Variants in TDRD7 observed in about 807,000 individuals in gnomAD.
TDRD7 encodes tudor domain-containing protein 7.
TDRD7 carries 47 observed loss-of-function variants against 109.8 expected under a neutral mutation model. The ratio of observed to expected loss-of-function variants is 0.43; its 90% confidence interval spans 0.34 to 0.55. The LOEUF is 0.55. Ranked by LOEUF, TDRD7 falls within the 20% of genes least tolerant of loss-of-function variation. TDRD7 has a pLI of 0.03. For synonymous variants in TDRD7, 424 were observed against 457.3 expected, an observed-to-expected ratio of 0.93 and a Z score of 0.93; for missense variants, 1,164 against 1,319.2, an observed-to-expected ratio of 0.88 and a Z score of 1.82.
Position 97,460,495 on chromosome 9 carries a change from C to G in TDRD7, c.1173C>G (p.Asp391Glu). The change falls in exon 7 of 17, where the codon GAC becomes GAG. Residue 391 changes from aspartate (D) to glutamate (E), a missense_variant. By Grantham distance (45) the Asp-to-Glu change is conservative (BLOSUM62 2). Coordinates refer to ENST00000355295, the MANE Select transcript of TDRD7 (RefSeq NM_014290.3). ...CACTTTCTGATGTATGCAGCATAGA[C>G]TACATTTCTGGAAATCCCCAGAAGG... ...LASLSDVCSI[D>E]YISGNPQKAI... 6.2e-7 allele frequency: 1 copy of G among 1,614,220 alleles called. No individual in the cohort carries two copies. Among genetic ancestry groups the G allele is most frequent in the South Asian group, 1.1e-5 (1 of 91,090 alleles).
At chr9:97,444,821 C>T (rs62557511) in intron 6 of TDRD7, among the ~76,000 whole-genome samples, 6,730 of 152,232 alleles carry the variant, frequency 0.044, 201 homozygotes, top group African/African-American at 0.091. Flanking sequence ...TTACTACTTA[C>T]AGGAATTCCA....
At chr9:97,470,932 C>T (rs1354649681) in intron 9 of TDRD7, among the ~76,000 whole-genome samples, 1 of 152,120 alleles carries the variant, frequency 6.6e-6, no homozygotes, top group African/African-American at 2.4e-5. Context: ...CTTGTTCTAA[C>T]TGCCCTAGTA....
intron 7 of TDRD7, among the ~76,000 whole-genome samples, chr9:97,461,313 G>T (rs962145900): frequency 1.3e-5 from 2 of 152,160 alleles, no homozygotes; most frequent in African/African-American, 4.8e-5. Flanking sequence ...TCAAAAGCTT[G>T]TTGGTAACTA....
At chr9:97,468,141 G>A (rs1392015444) in intron 8 of TDRD7, among the ~76,000 whole-genome samples, 2 of 152,228 alleles carry the variant, frequency 1.3e-5, no homozygotes, top group Admixed American at 6.5e-5. Context: ...CTGGAGATGT[G>A]TCAGGTTGGG....
chr9:97,431,926 A>G, intron 3 of TDRD7, 99 bp from the exon 4 acceptor site: 1 of 1,099,944 alleles, frequency 9.1e-7, no homozygotes. Flanking sequence ...CTGTTCTGAG[A>G]ATAGACACCC....
At chr9:97,450,949 C>G (rs1828479560) in intron 6 of TDRD7, among the ~76,000 whole-genome samples, 1 of 151,224 alleles carries the variant, frequency 6.6e-6, no homozygotes, top group African/African-American at 2.4e-5. Flanking sequence ...CTGGCAACCC[C>G]TAGTAGCTTT....
chr9:97,432,350 G>T, intron 4 of TDRD7, 112 bp downstream of exon 4: 2 of 918,514 alleles, frequency 2.2e-6, no homozygotes, highest in South Asian at 2.7e-5. Flanking sequence ...TTCACATATA[G>T]TAGAGACATG....
In TDRD7 at chr9:97,487,275, C is replaced by T; in HGVS notation, c.3019C>T (p.Pro1007Ser). 1 of 1,613,962 alleles carries T rather than the reference C, an allele frequency of 6.2e-7. No homozygotes were observed. Among genetic ancestry groups the T allele is most frequent in the Non-Finnish European group, 8.5e-7 (1 of 1,179,926 alleles). Residue 1007 changes from proline to serine, a missense_variant, in exon 16 of 17, where the codon CCC becomes TCC. This residue lies in a region of TDRD7 where 162 missense variants were observed against 222.5 expected (regional missense o/e 0.73). Coordinates refer to ENST00000355295, the MANE Select transcript of TDRD7 (RefSeq NM_014290.3). ...HELVNIRKVQ[P>S]LVDMFRKLPF... ...ATTAGTCAACATAAGAAAAGTACAG[C>T]CCCTAGTGGACATGTTCCGAAAGCT...
chr9:97,472,613 G>A (rs1828941295), intron 10 of TDRD7, 118 bp downstream of exon 10: 2 of 887,764 alleles, frequency 2.3e-6, no homozygotes, highest in Admixed American at 2.0e-5. Context: ...ACATTGAGGG[G>A]AAAAAAGGAG....
chr9:97,442,838 C>T (rs1359862409), intron 6 of TDRD7, among the ~76,000 whole-genome samples: 2 of 151,712 alleles, frequency 1.3e-5, no homozygotes, highest in African/African-American at 4.8e-5. Flanking sequence ...TTTTTGTCAC[C>T]CAGGCTGAGT....
In TDRD7 at chr9:97,425,787, C is replaced by T. The variant is rs143837587; in HGVS notation, c.-6-2673C>T. 1.8e-4 allele frequency among the ~76,000 whole-genome samples: 28 copies of T among 152,260 alleles called. No individual in the cohort carries two copies. The East Asian group carries it at 5.0e-3, about 27-fold the overall frequency. ...ATGCATGCAGTCGTACATTGCCTAA[C>T]GACAGGGATATGTTCTGAGAAATGC... is the stretch of plus-strand genomic sequence containing the variant. On this transcript the variant is annotated intron_variant, in intron 1 of 16. Coordinates refer to ENST00000355295, the MANE Select transcript of TDRD7 (RefSeq NM_014290.3).
Position 97,487,196 on chromosome 9 carries a change from A to G in TDRD7, c.2940A>G (p.Gly980=). The G allele has an allele frequency of 6.2e-7, 1 of 1,613,970 alleles. No individual in the cohort carries two copies. The highest frequency in any genetic ancestry group is 1.3e-5 in the African/African-American group (1 of 75,016). The change falls in exon 16 of 17, where the codon GGA becomes GGG. Residue 980 remains glycine (G), a synonymous_variant. Coordinates refer to ENST00000355295, the MANE Select transcript of TDRD7 (RefSeq NM_014290.3). ...ENKWHRVLLK[G]ILTNGLVSVY... is the part of the protein sequence containing the mutation. ...GGTGGCACAGGGTGCTTTTAAAAGG[A>G]ATCCTGACCAATGGACTGGTATCTG...
At position 97,472,320 on chromosome 9, in the gene TDRD7, A is replaced by T. The variant is rs778302084; in HGVS notation, c.1769A>T (p.Asp590Val). The T allele has an allele frequency of 1.9e-6, 3 of 1,613,932 alleles. No homozygotes were observed. The highest frequency in any genetic ancestry group is 4.5e-5 in the East Asian group (2 of 44,864). The change falls in exon 10 of 17, where the codon GAT (aspartate) becomes GTT (valine). Residue 590 changes from aspartate to valine, a missense_variant. Physicochemically the swap from Asp to Val is radical, Grantham distance 152. Around this residue, in one of 5 missense-constraint regions of TDRD7, gnomAD observed 261 missense variants for 336.2 expected, o/e 0.78. Coordinates refer to ENST00000355295, the MANE Select transcript of TDRD7 (RefSeq NM_014290.3). Reference protein sequence around the residue: ...AGLEVLSDDPDLVKVVESLTC... With the variant: ...AGLEVLSDDPVLVKVVESLTC... Reference sequence around the variant, plus strand: ...TTGGAAGTCCTAAGCGATGACCCTGATCTAGTGAAGGTGGTTGAATCTTTA... The same window carrying T: ...TTGGAAGTCCTAAGCGATGACCCTGTTCTAGTGAAGGTGGTTGAATCTTTA...
intron 9 of TDRD7, 62 bp from the exon 10 acceptor site, chr9:97,472,231 T>G: frequency 1.4e-6 from 2 of 1,397,034 alleles, no homozygotes; most frequent in South Asian, 1.2e-5. Flanking sequence ...ACACAATCCA[T>G]CTATTCATCT....
intron 12 of TDRD7, among the ~76,000 whole-genome samples, chr9:97,478,136 C>T (rs1256643733): frequency 3.9e-5 from 6 of 152,036 alleles, no homozygotes; most frequent in Non-Finnish European, 7.4e-5. Context: ...TGGTGGGCAC[C>T]TGTAATCCCA....
At chr9:97,440,251 C>T (rs1426420678) in intron 5 of TDRD7, among the ~76,000 whole-genome samples, 1 of 152,180 alleles carries the variant, frequency 6.6e-6, no homozygotes. Flanking sequence ...TTGCAGTTCA[C>T]CTGGCAGAGC....
At position 97,460,694 on chromosome 9, in the gene TDRD7, A is replaced by G. The variant is rs1828702189; in HGVS notation, c.1372A>G (p.Met458Val). Residue 458 changes from methionine (M) to valine (V), a missense_variant, in exon 7 of 17, where the codon ATG becomes GTG. Physicochemically the swap from Met to Val is conservative, Grantham distance 21. Coordinates refer to ENST00000355295, the MANE Select transcript of TDRD7 (RefSeq NM_014290.3). Reference protein sequence around the residue: ...FMEDITVPPLMIPTEASPSVL... With the variant: ...FMEDITVPPLVIPTEASPSVL... ...GGAGGACATAACAGTTCCTCCTTTA[A>G]TGATTCCAACTGAAGCATCACCATC... is the stretch of plus-strand genomic sequence containing the variant. 2.5e-6 allele frequency: 4 copies of G among 1,614,084 alleles called. No individual in the cohort carries two copies. The highest frequency in any genetic ancestry group is 1.3e-5 in the African/African-American group (1 of 74,928).
intron 6 of TDRD7, among the ~76,000 whole-genome samples, chr9:97,454,795 T>C (rs1828573811): frequency 6.6e-6 from 1 of 152,022 alleles, no homozygotes; most frequent in East Asian, 1.9e-4. Flanking sequence ...AGCAAACTAA[T>C]TCAAAAGCTT....
At chr9:97,427,967 T>C (rs1187345080) in intron 1 of TDRD7, among the ~76,000 whole-genome samples, 1 of 152,168 alleles carries the variant, frequency 6.6e-6, no homozygotes, top group African/African-American at 2.4e-5. Flanking sequence ...GAGCATAATA[T>C]AGTAGTCTCA....
Sources: allele counts gnomAD v4.1 joint callset (sites outside exome capture counted in the v4.1 genomes callset), GRCh38; gene constraint gnomAD v4.1.1; regional missense constraint gnomAD v4.1.1; transcripts MANE v1.5; gene names NCBI Gene and HGNC (gene_info 2026-07-23, HGNC 2026-07-21).